The following NTRK3 variants were observed in gnomAD, a reference collection of about 807,000 sequenced individuals.
The protein encoded by NTRK3 is NT-3 growth factor receptor.
In NTRK3, 24 loss-of-function variants were observed where a neutral mutation model predicts 91.7. That is an observed-to-expected ratio of 0.26 (90% CI 0.19 to 0.37). NTRK3 has a LOEUF of 0.37. NTRK3 is among the 10% of genes least tolerant of loss of function. The probability of loss-of-function intolerance (pLI) is 1.00; values close to 1 mark genes in which losing one functional copy is unlikely to be tolerated. For synonymous variants in NTRK3, 483 were observed against 404.0 expected (o/e 1.20, Z -2.34); for missense variants, 880 against 1,068.9 (o/e 0.82, Z 2.46).
chr15:88,027,293 GAA>G (rs892169636), intron 14 of NTRK3, among the ~76,000 whole-genome samples: 1 of 151,920 alleles, frequency 6.6e-6, no homozygotes, highest in South Asian at 2.1e-4. Flanking sequence ...GATCGCATAA[GAA>G]AAAAAACATA....
intron 13 of NTRK3, among the ~76,000 whole-genome samples, chr15:88,086,397 C>CA (rs943486967): frequency 4.6e-5 from 7 of 150,918 alleles, no homozygotes; most frequent in Admixed American, 1.3e-4. Flanking sequence ...CTACCATGAG[C>CA]AAAAAAAAGA....
At chr15:88,005,616 C>T (rs2076431545) in intron 14 of NTRK3, among the ~76,000 whole-genome samples, 1 of 152,074 alleles carries the variant, frequency 6.6e-6, no homozygotes, top group African/African-American at 2.4e-5. Context: ...CAAATCTCTC[C>T]AAAGGAGAGA....
intron 14 of NTRK3, among the ~76,000 whole-genome samples, chr15:87,966,904 T>G (rs2072846371): frequency 6.6e-6 from 1 of 152,188 alleles, no homozygotes; most frequent in Non-Finnish European, 1.5e-5. Context: ...TTAATACTGT[T>G]AGCATTTGGG....
intron 5 of NTRK3, among the ~76,000 whole-genome samples, chr15:88,153,262 G>A (rs964332255): frequency 8.6e-5 from 13 of 151,768 alleles, no homozygotes; most frequent in African/African-American, 3.1e-4. Flanking sequence ...TTTTTTTTGA[G>A]ATGGAGTTTC....
At chr15:88,108,999 A>G (rs1313579565) in intron 13 of NTRK3, among the ~76,000 whole-genome samples, 1 of 152,180 alleles carries the variant, frequency 6.6e-6, no homozygotes, top group Non-Finnish European at 1.5e-5. Flanking sequence ...TCCACCCCTC[A>G]CTATTTTCCA....
chr15:88,067,121 G>T (rs1428449695), intron 13 of NTRK3, among the ~76,000 whole-genome samples: 3 of 152,170 alleles, frequency 2.0e-5, no homozygotes, highest in Non-Finnish European at 4.4e-5. Flanking sequence ...TATGCAAGCT[G>T]CCTGTGTATT....
At chr15:88,158,224 A>T (rs920679344) in intron 5 of NTRK3, among the ~76,000 whole-genome samples, 1 of 152,162 alleles carries the variant, frequency 6.6e-6, no homozygotes, top group African/African-American at 2.4e-5. Context: ...ATGCTCTGTC[A>T]CTGTTTCTGC....
intron 14 of NTRK3, among the ~76,000 whole-genome samples, chr15:88,016,614 C>A (rs1289401396): frequency 6.6e-6 from 1 of 152,238 alleles, no homozygotes; most frequent in Admixed American, 6.5e-5. Context: ...TGCCTCTCAC[C>A]ATTTACATTC....
intron 5 of NTRK3, among the ~76,000 whole-genome samples, chr15:88,169,213 G>T (rs557696274): frequency 6.6e-6 from 1 of 152,280 alleles, no homozygotes; most frequent in African/African-American, 2.4e-5. Context: ...AGCAGACTAA[G>T]GCAGGGAGTT....
chr15:88,088,690 A>G (rs966134616), intron 13 of NTRK3, among the ~76,000 whole-genome samples: 1 of 152,224 alleles, frequency 6.6e-6, no homozygotes, highest in African/African-American at 2.4e-5. Context: ...AGAAGCTGTC[A>G]GACCAAATGT....
chr15:88,137,322 C>G, intron 7 of NTRK3, 82 bp downstream of exon 7: 1 of 1,548,164 alleles, frequency 6.5e-7, no homozygotes, highest in Non-Finnish European at 8.8e-7. Context: ...GCTCTGGCAT[C>G]CCAAGGTAAC....
At chr15:87,871,431 C>G (rs780749243) in exon 19 of NTRK3, 6 of 230,334 alleles carry the variant, frequency 2.6e-5, no homozygotes, top group Non-Finnish European at 4.3e-5. Flanking sequence ...AATCAATGAT[C>G]AAAATCTCAC....
chr15:87,864,364 AG>A, exon 19 of NTRK3: 1 of 231,504 alleles, frequency 4.3e-6, no homozygotes, highest in Admixed American at 5.6e-5. Flanking sequence ...ATCCTAAGAA[AG>A]GCTAAACTCT....
exon 19 of NTRK3, chr15:87,863,092 T>G: frequency 4.3e-6 from 1 of 231,114 alleles, no homozygotes; most frequent in Non-Finnish European, 8.6e-6. Context: ...GAGCCTACTC[T>G]AAAGCATGCC....
intron 3 of NTRK3, among the ~76,000 whole-genome samples, chr15:88,226,764 C>G (rs2141659867): frequency 6.6e-6 from 1 of 152,350 alleles, no homozygotes; most frequent in South Asian, 2.1e-4. Context: ...CAACAATAAT[C>G]ACACTCAACT....
intron 3 of NTRK3, among the ~76,000 whole-genome samples, chr15:88,247,806 GGA>G (rs1191060675): frequency 6.6e-6 from 1 of 152,178 alleles, no homozygotes; most frequent in Non-Finnish European, 1.5e-5. Context: ...TCATCCCTAT[GGA>G]GAGAGAGATG....
chr15:88,041,845 A>AT (rs1232489687), intron 13 of NTRK3, among the ~76,000 whole-genome samples: 2 of 151,592 alleles, frequency 1.3e-5, no homozygotes, highest in Non-Finnish European at 2.9e-5. Context: ...AAAAAAAAAA[A>AT]AAAGGGCTTG....
chr15:88,120,138 C>G (rs1421007443), intron 13 of NTRK3, among the ~76,000 whole-genome samples: 1 of 152,176 alleles, frequency 6.6e-6, no homozygotes, highest in Non-Finnish European at 1.5e-5. Context: ...TGACTCCTTC[C>G]CAACTCTAAT....
At chr15:87,903,299 G>T (rs1210425137) in intron 17 of NTRK3, among the ~76,000 whole-genome samples, 1 of 152,210 alleles carries the variant, frequency 6.6e-6, no homozygotes. Flanking sequence ...GAAGCAAAGG[G>T]ACTTGACCAG....
Sources: gnomAD v4.1 joint callset for allele counts (sites outside exome capture counted in the v4.1 genomes callset) on GRCh38, gnomAD v4.1.1 for gene constraint, MANE v1.5 for transcripts, NCBI Gene and HGNC (gene_info 2026-07-23, HGNC 2026-07-21) for gene names.